PTPN9: variants seen among roughly 807,000 people sequenced by gnomAD.
PTPN9 encodes the protein tyrosine-protein phosphatase non-receptor type 9.
Under a neutral mutation model 69.8 loss-of-function variants are expected in PTPN9, and 26 were observed. The observed-to-expected ratio is 0.37, with a 90% CI of 0.27 to 0.52. The LOEUF (loss-of-function observed/expected upper bound fraction) is 0.52, where lower values mean the gene tolerates loss of function less well. Ranked by LOEUF, PTPN9 falls within the 20% of genes least tolerant of loss-of-function variation. The pLI is 0.91. For missense variants in PTPN9, 549 were observed against 740.3 expected, an observed-to-expected ratio of 0.74 and a Z score of 3.00; for synonymous variants, 274 against 272.5, an observed-to-expected ratio of 1.01 and a Z score of -0.05.
chr15:75,521,730 A>T (rs1209629344), intron 4 of PTPN9, among the ~76,000 whole-genome samples: 1 of 152,166 alleles, frequency 6.6e-6, no homozygotes, highest in African/African-American at 2.4e-5. Flanking sequence ...AAAAGAAAGA[A>T]ACTGAGGATA....
In PTPN9 at chr15:75,470,734, G is replaced by A. The variant is rs114839424; in HGVS notation, c.1305C>T (p.Gly435=). 208 of 1,614,138 alleles carry A rather than the reference G, an allele frequency of 1.3e-4. No homozygotes were observed. The East Asian group carries it at 4.0e-3, about 31-fold the overall frequency. ...RFGFLTVTNL[G]VENMNHYKKT... ...TCTTATAATGATTCATGTTCTCCAC[G>A]CCTAGATTGGTCACTGTGAGGAAGC... The change falls in exon 11 of 13, where the codon GGC becomes GGT. Residue 435 remains glycine, a synonymous_variant. Transcript: ENST00000618819.
intron 1 of PTPN9, among the ~76,000 whole-genome samples, chr15:75,554,707 T>A (rs1381344343): frequency 6.6e-6 from 1 of 152,226 alleles, no homozygotes; most frequent in East Asian, 1.9e-4. Context: ...ATGGTACAAG[T>A]TGATCAGCTT....
chr15:75,472,622 T>A (rs907770335), intron 10 of PTPN9, among the ~76,000 whole-genome samples: 42 of 151,686 alleles, frequency 2.8e-4, no homozygotes, highest in Admixed American at 5.9e-4. Context: ...TAAAACCCCA[T>A]CTCTACTAAA....
intron 7 of PTPN9, among the ~76,000 whole-genome samples, chr15:75,504,734 G>C (rs1283257185): frequency 7.6e-6 from 1 of 131,080 alleles, no homozygotes; most frequent in African/African-American, 2.9e-5. Flanking sequence ...GCCTCTGCCC[G>C]GCCGCCCCTA....
chr15:75,494,584 C>T (rs2074729526), intron 7 of PTPN9, among the ~76,000 whole-genome samples: 1 of 151,900 alleles, frequency 6.6e-6, no homozygotes, highest in African/African-American at 2.4e-5. Flanking sequence ...AACTCCTCAC[C>T]TCAGGTGATC....
At chr15:75,516,423 C>T (rs899741264) in intron 5 of PTPN9, among the ~76,000 whole-genome samples, 1 of 151,114 alleles carries the variant, frequency 6.6e-6, no homozygotes, top group African/African-American at 2.4e-5. Context: ...CCTGCCTCAG[C>T]CTCCCAAGTA....
Position 75,468,853 on chromosome 15 carries a change from A to G in PTPN9, c.1698T>C (p.Phe566=). ...FSIQTPEQYY[F]CYKAILEFAE... ...CGAACTCCAGGATGGCCTTGTAGCA[A>G]AAATAGTACTGCTCAGGGGTCTGGA... Residue 566 remains phenylalanine (F), a synonymous_variant, in exon 13 of 13, where the codon TTT becomes TTC. Coordinates refer to ENST00000618819, the MANE Select transcript of PTPN9 (RefSeq NM_002833.4). The G allele has an allele frequency of 6.2e-7, 1 of 1,614,170 alleles. No individual in the cohort carries two copies. The highest frequency in any genetic ancestry group is 8.5e-7 in the Non-Finnish European group (1 of 1,180,008).
chr15:75,551,486 A>T (rs1189440241), intron 1 of PTPN9, among the ~76,000 whole-genome samples: 2 of 151,408 alleles, frequency 1.3e-5, no homozygotes, highest in East Asian at 3.9e-4. Flanking sequence ...CTGCCTCCCA[A>T]ATAGCTGGGA....
At chr15:75,526,310 T>C (rs568862100) in intron 2 of PTPN9, among the ~76,000 whole-genome samples, 1 of 152,134 alleles carries the variant, frequency 6.6e-6, no homozygotes, top group South Asian at 2.1e-4. Flanking sequence ...TCTTTCTAAA[T>C]AGTAATCTCT....
At chr15:75,563,643 G>A (rs780216620) in intron 1 of PTPN9, among the ~76,000 whole-genome samples, 1 of 152,124 alleles carries the variant, frequency 6.6e-6, no homozygotes, top group Non-Finnish European at 1.5e-5. Context: ...CTGCTGATGG[G>A]CACTAAGGTT....
In PTPN9 at chr15:75,468,409, G is replaced by A. The variant is rs2074546451; in HGVS notation, c.*360C>T. 1 of 186,524 alleles carries A rather than the reference G, an allele frequency of 5.4e-6. No individual in the cohort carries two copies. The highest frequency in any genetic ancestry group is 2.3e-5 in the African/African-American group (1 of 43,284). 11.6% of individuals were successfully genotyped at this position (186,524 alleles called of 1,614,324 possible). On this transcript the variant is annotated 3_prime_UTR_variant, in exon 13 of 13. Coordinates refer to ENST00000618819, the MANE Select transcript of PTPN9 (RefSeq NM_002833.4). ...CCCATAAAATCCTAGGAAAGGGAAG[G>A]AGTGGGAGACAGGAGACCTCAGAAA... is the stretch of plus-strand genomic sequence containing the variant.
At chr15:75,550,989 C>A (rs2075054443) in intron 1 of PTPN9, among the ~76,000 whole-genome samples, 1 of 152,102 alleles carries the variant, frequency 6.6e-6, no homozygotes, top group Admixed American at 6.6e-5. Flanking sequence ...AGGAGAGAGA[C>A]AAACAGACCA....
intron 1 of PTPN9, among the ~76,000 whole-genome samples, chr15:75,551,340 G>C (rs540017893): frequency 6.6e-6 from 1 of 152,232 alleles, no homozygotes; most frequent in East Asian, 1.9e-4. Flanking sequence ...GCAAAACCAA[G>C]TCTGACTCTA....
At chr15:75,542,879 C>T (rs931786797) in intron 1 of PTPN9, among the ~76,000 whole-genome samples, 2 of 145,910 alleles carry the variant, frequency 1.4e-5, no homozygotes, top group Admixed American at 7.0e-5. Flanking sequence ...TTTAAGTTTT[C>T]GGGTACATGT....
chr15:75,575,032 G>A (rs1470301992), intron 1 of PTPN9, among the ~76,000 whole-genome samples: 1 of 14,212 alleles, frequency 7.0e-5, no homozygotes, highest in Non-Finnish European at 1.0e-4. Flanking sequence ...TCGCTCTGTC[G>A]GCGGGATCTC....
Position 75,541,326 on chromosome 15 carries a change from T to TC in PTPN9, c.64-14066dup, listed in dbSNP as rs541355731. On this transcript the variant is annotated intron_variant, in intron 1 of 12. Coordinates refer to ENST00000618819, the MANE Select transcript of PTPN9 (RefSeq NM_002833.4). ...TCGCACTCCTGGCCTCCAGTGATCT[T>TC]CCCCCATTAGCCTACTGAAGCGCTG... 2.7e-3 allele frequency among the ~76,000 whole-genome samples: 407 copies of TC among 151,706 alleles called. 2 individuals carry two copies. Among genetic ancestry groups the TC allele is most frequent in the African/African-American group, 9.3e-3 (385 of 41,394 alleles).
intron 1 of PTPN9, among the ~76,000 whole-genome samples, chr15:75,544,373 A>G (rs927467093): frequency 2.0e-5 from 3 of 152,148 alleles, no homozygotes; most frequent in African/African-American, 4.8e-5. Flanking sequence ...TCTCCACAAC[A>G]TATGAAAATA....
At chr15:75,546,894 T>C (rs750802639) in intron 1 of PTPN9, among the ~76,000 whole-genome samples, 1 of 152,024 alleles carries the variant, frequency 6.6e-6, no homozygotes, top group Non-Finnish European at 1.5e-5. Flanking sequence ...AACTAAGTGT[T>C]GTCAACAGGA....
At chr15:75,471,021 T>C (rs1479315905) in intron 10 of PTPN9, 191 bp from the exon 11 acceptor site, 1 of 658,574 alleles carries the variant, frequency 1.5e-6, no homozygotes, top group African/African-American at 1.8e-5. Flanking sequence ...ACAGCTAAAG[T>C]TTCTGCATGT....
Sources: gnomAD v4.1 joint callset for allele counts (sites outside exome capture counted in the v4.1 genomes callset) on GRCh38, gnomAD v4.1.1 for gene constraint, MANE v1.5 for transcripts, NCBI Gene and HGNC (gene_info 2026-07-23, HGNC 2026-07-21) for gene names.